SLC4A4: variants seen among roughly 807,000 people sequenced by gnomAD.
The protein encoded by SLC4A4 is solute carrier family 4 member 4.
SLC4A4 carries 27 observed loss-of-function variants against 111.5 expected under a neutral mutation model. That is an observed-to-expected ratio of 0.24 (90% CI 0.18 to 0.33). The LOEUF (loss-of-function observed/expected upper bound fraction) is 0.33. SLC4A4 is among the 10% of genes least tolerant of loss of function. The pLI is 1.00. For missense variants in SLC4A4, 909 were observed against 1,315.5 expected (o/e 0.69, Z 4.78); for synonymous variants, 443 against 463.4 (o/e 0.96, Z 0.57).
At chr4:71,232,207 T>C (rs1719480229) in intron 1 of SLC4A4, among the ~76,000 whole-genome samples, 1 of 152,306 alleles carries the variant, frequency 6.6e-6, no homozygotes, top group South Asian at 2.1e-4. Context: ...TTACTTGCTA[T>C]GTATAGTCTT....
At chr4:71,092,817 C>G (rs1312227077) in intron 2 of SLC4A4, among the ~76,000 whole-genome samples, 3 of 152,162 alleles carry the variant, frequency 2.0e-5, no homozygotes, top group Non-Finnish European at 4.4e-5. Flanking sequence ...CATATATGGG[C>G]CGGGTACAGT....
At chr4:71,530,641 A>G (rs1733835158) in intron 16 of SLC4A4, among the ~76,000 whole-genome samples, 1 of 151,992 alleles carries the variant, frequency 6.6e-6, no homozygotes, top group Non-Finnish European at 1.5e-5. Context: ...AAAGAAAGGA[A>G]CTCCAGGCCA....
intron 1 of SLC4A4, among the ~76,000 whole-genome samples, chr4:71,233,770 C>T (rs1227507744): frequency 6.6e-6 from 1 of 152,080 alleles, no homozygotes; most frequent in Non-Finnish European, 1.5e-5. Flanking sequence ...CATAGCCTTC[C>T]CCTGGCTCCT....
chr4:71,295,236 A>G (rs1475636976), intron 3 of SLC4A4, among the ~76,000 whole-genome samples: 1 of 152,162 alleles, frequency 6.6e-6, no homozygotes. Context: ...TTTTCCCATG[A>G]TACTCTAACT....
intron 2 of SLC4A4, among the ~76,000 whole-genome samples, chr4:71,178,696 A>G (rs924331872): frequency 6.6e-6 from 1 of 152,330 alleles, no homozygotes. Context: ...CAGGCTCTGA[A>G]ATTGAGGCAC....
intron 2 of SLC4A4, among the ~76,000 whole-genome samples, chr4:71,151,418 C>G (rs28529511): frequency 0.034 from 5,244 of 152,188 alleles, 313 homozygotes; most frequent in African/African-American, 0.12. Context: ...TTCTGATGGT[C>G]CAAGGTGATC....
At chr4:71,490,439 C>T (rs1225356252) in intron 15 of SLC4A4, among the ~76,000 whole-genome samples, 2 of 151,756 alleles carry the variant, frequency 1.3e-5, no homozygotes, top group African/African-American at 4.8e-5. Flanking sequence ...CAGGACATTT[C>T]CATCATACCA....
chr4:71,212,909 C>T (rs1718218016), intron 1 of SLC4A4, among the ~76,000 whole-genome samples: 2 of 152,194 alleles, frequency 1.3e-5, no homozygotes, highest in South Asian at 4.1e-4. Context: ...TATATGACAG[C>T]AGTCCCATAA....
rs1330118493 is a variant in SLC4A4, at chr4:71,569,289, C to T, written c.*1538C>T. ...TAGCTCTAACATGCAATATAAAATTCATAGGAGTATTAATAGCCCATTTAC... is the reference window on the plus strand; with the variant it reads ...TAGCTCTAACATGCAATATAAAATTTATAGGAGTATTAATAGCCCATTTAC... On this transcript the variant is annotated 3_prime_UTR_variant, in exon 26 of 26. Coordinates refer to ENST00000264485, the MANE Select transcript of SLC4A4 (RefSeq NM_001098484.3). 1 of 151,562 alleles carries T rather than the reference C, an allele frequency of 6.6e-6. No homozygotes were observed. Among genetic ancestry groups the T allele is most frequent in the African/African-American group, 2.4e-5 (1 of 41,318 alleles). 9.4% of individuals were successfully genotyped at this position (151,562 alleles called of 1,614,324 possible). A position where few individuals can be genotyped will look rare whatever the true frequency, so the allele number is the denominator to read the frequency against.
chr4:71,110,242 T>C (rs1000014853), intron 2 of SLC4A4, among the ~76,000 whole-genome samples: 3 of 152,148 alleles, frequency 2.0e-5, no homozygotes, highest in African/African-American at 7.2e-5. Context: ...TTAGACAGGG[T>C]CTCACTCTGC....
chr4:71,105,808 C>G lies in SLC4A4; in HGVS notation c.-2+13016C>G, dbSNP rs1578484598. ...AAAGACTTAAACATTAGACCTAAAA[C>G]CATAAAAACCCTAGAAGAAAACCTA... On this transcript the variant is annotated intron_variant, in intron 2 of 26. Coordinates refer to the SLC4A4 transcript ENST00000649996. Among the ~76,000 whole-genome samples the G allele has an allele frequency of 7.5e-5, 7 of 92,762 alleles. No individual in the cohort carries two copies. In the South Asian group the frequency reaches 2.9e-3, roughly 38 times the overall value. 60.9% of individuals were successfully genotyped at this position (92,762 alleles called of 152,430 possible).
chr4:71,376,904 T>C (rs1044652436), intron 6 of SLC4A4, among the ~76,000 whole-genome samples: 1 of 152,166 alleles, frequency 6.6e-6, no homozygotes, highest in Non-Finnish European at 1.5e-5. Context: ...CCCAAAGTCC[T>C]GGGATTACAG....
At position 71,569,904 on chromosome 4, in the gene SLC4A4, T is replaced by G. The variant is rs1282122565; in HGVS notation, c.*2153T>G. ...AATAGTGGTGAATTATATGTTATTG[T>G]GTTAAAACCTCACTTGCCAAATTCT... On this transcript the variant is annotated 3_prime_UTR_variant, in exon 26 of 26. Coordinates refer to ENST00000264485, the MANE Select transcript of SLC4A4 (RefSeq NM_001098484.3). 6.6e-6 allele frequency: 1 copy of G among 151,788 alleles called. No individual in the cohort carries two copies. Among genetic ancestry groups the G allele is most frequent in the Non-Finnish European group, 1.5e-5 (1 of 67,810 alleles). 9.4% of individuals were successfully genotyped at this position (151,788 alleles called of 1,614,324 possible).
rs1332043227 is a variant in SLC4A4 at position 71,568,900 on chromosome 4, G to A, written c.*1149G>A. The A allele has an allele frequency of 1.3e-5, 2 of 151,786 alleles. No individual in the cohort carries two copies. The highest frequency in any genetic ancestry group is 3.0e-5 in the Non-Finnish European group (2 of 67,796). 9.4% of individuals were successfully genotyped at this position (151,786 alleles called of 1,614,324 possible). On this transcript the variant is annotated 3_prime_UTR_variant, in exon 26 of 26. Transcript: ENST00000264485. ...CTGTTCTATGAAGGAGATTGAGGGA[G>A]AAGAGACAAACTCCTATGTCATGAG...
chr4:71,245,770 A>G (rs1329838933), intron 2 of SLC4A4, among the ~76,000 whole-genome samples: 1 of 152,128 alleles, frequency 6.6e-6, no homozygotes, highest in Non-Finnish European at 1.5e-5. Flanking sequence ...GGAATGGATG[A>G]TATTGCCCAG....
intron 20 of SLC4A4, among the ~76,000 whole-genome samples, chr4:71,552,036 A>T (rs1736038044): frequency 6.6e-6 from 1 of 151,814 alleles, no homozygotes; most frequent in Non-Finnish European, 1.5e-5. Flanking sequence ...CACCCTGACC[A>T]CTGAGGACCA....
intron 3 of SLC4A4, among the ~76,000 whole-genome samples, chr4:71,263,740 G>A (rs2149071343): frequency 6.6e-6 from 1 of 152,122 alleles, no homozygotes; most frequent in South Asian, 2.1e-4. Flanking sequence ...TAACTAATTT[G>A]TACATAATTA....
intron 1 of SLC4A4, among the ~76,000 whole-genome samples, chr4:71,222,365 C>A (rs1309964640): frequency 6.6e-6 from 1 of 152,196 alleles, no homozygotes; most frequent in African/African-American, 2.4e-5. Context: ...TCGTTGAGGC[C>A]TTTCTTAACT....
intron 22 of SLC4A4, among the ~76,000 whole-genome samples, chr4:71,559,653 G>A (rs963368452): frequency 6.6e-6 from 1 of 151,794 alleles, no homozygotes; most frequent in African/African-American, 2.4e-5. Context: ...CTTTGAAGAT[G>A]TCTTAGTGTT....
Sources: gnomAD v4.1 joint callset for allele counts (sites outside exome capture counted in the v4.1 genomes callset) on GRCh38, gnomAD v4.1.1 for gene constraint, MANE v1.5 for transcripts, NCBI Gene and HGNC (gene_info 2026-07-23, HGNC 2026-07-21) for gene names.